Variants in CSMD1 observed in about 807,000 individuals in gnomAD.
CSMD1 encodes the protein CUB and Sushi multiple domains 1.
In CSMD1, 213 loss-of-function variants were observed where a neutral mutation model predicts 417.5. The ratio of observed to expected loss-of-function variants is 0.51; its 90% confidence interval spans 0.46 to 0.57. The LOEUF is 0.57. CSMD1 is among the 20% of genes least tolerant of loss of function. The pLI is 0.00. For synonymous variants in CSMD1, 2,862 were observed against 1,736.8 expected, an observed-to-expected ratio of 1.65 and a Z score of -16.11; for missense variants, 6,923 against 4,529.7, an observed-to-expected ratio of 1.53 and a Z score of -15.17.
intron 5 of CSMD1, among the ~76,000 whole-genome samples, chr8:3,878,003 A>C (rs1253095234): frequency 1.3e-5 from 2 of 152,134 alleles, no homozygotes; most frequent in African/African-American, 4.8e-5. Context: ...GTAAATGATA[A>C]AACTTTCCAA....
intron 33 of CSMD1, among the ~76,000 whole-genome samples, chr8:3,199,270 TG>T (rs1460102807): frequency 2.1e-4 from 32 of 152,214 alleles, no homozygotes; most frequent in Non-Finnish European, 4.1e-4. Flanking sequence ...TTTTGTTTTT[TG>T]TTTTGTTTTG....
intron 42 of CSMD1, among the ~76,000 whole-genome samples, chr8:3,111,055 G>A (rs998609661): frequency 6.6e-6 from 1 of 152,076 alleles, no homozygotes; most frequent in African/African-American, 2.4e-5. Flanking sequence ...TTCATATAGT[G>A]CATCAAAGTC....
chr8:4,567,435 T>C (rs916579892), intron 2 of CSMD1, among the ~76,000 whole-genome samples: 4 of 152,206 alleles, frequency 2.6e-5, no homozygotes, highest in Admixed American at 6.5e-5. Flanking sequence ...GGCATTTTTT[T>C]CCTACCTCGT....
intron 5 of CSMD1, among the ~76,000 whole-genome samples, chr8:3,919,839 C>G (rs1048483181): frequency 6.6e-6 from 1 of 152,046 alleles, no homozygotes; most frequent in Non-Finnish European, 1.5e-5. Context: ...GTGTACAGAT[C>G]ATTCACCTCC....
intron 3 of CSMD1, among the ~76,000 whole-genome samples, chr8:4,194,900 G>A (rs1406325935): frequency 1.3e-5 from 2 of 152,060 alleles, no homozygotes; most frequent in Non-Finnish European, 2.9e-5. Flanking sequence ...AGAACTGTTA[G>A]TTCTAATTTA....
chr8:3,244,454 T>C (rs1799749885), intron 26 of CSMD1, among the ~76,000 whole-genome samples: 1 of 151,966 alleles, frequency 6.6e-6, no homozygotes, highest in Non-Finnish European at 1.5e-5. Flanking sequence ...TGGAGCAGGG[T>C]TAGTTTGCAT....
chr8:3,212,768 C>A (rs1287867854), intron 30 of CSMD1, among the ~76,000 whole-genome samples: 1 of 151,958 alleles, frequency 6.6e-6, no homozygotes. Context: ...AATAGCAGAA[C>A]ACGCCAGGGA....
chr8:4,724,753 C>G (rs569917604), intron 1 of CSMD1, among the ~76,000 whole-genome samples: 35 of 152,132 alleles, frequency 2.3e-4, no homozygotes, highest in African/African-American at 8.2e-4. Context: ...AAGCATTTAT[C>G]ACGTTTTTTA....
At chr8:4,106,576 A>G (rs530410841) in intron 3 of CSMD1, among the ~76,000 whole-genome samples, 3 of 152,236 alleles carry the variant, frequency 2.0e-5, no homozygotes, top group Non-Finnish European at 2.9e-5. Flanking sequence ...ATGTGAGTTA[A>G]TAATTAAAGG....
At chr8:3,116,044 T>C (rs1435182815) in intron 42 of CSMD1, among the ~76,000 whole-genome samples, 3 of 152,228 alleles carry the variant, frequency 2.0e-5, no homozygotes, top group African/African-American at 4.8e-5. Flanking sequence ...TGAAGTGCCA[T>C]ATAACTGTAA....
intron 21 of CSMD1, 79 bp downstream of exon 21, chr8:3,359,073 C>G: frequency 7.0e-7 from 1 of 1,423,242 alleles, no homozygotes; most frequent in Middle Eastern, 2.2e-4. Flanking sequence ...CCCCACCCGA[C>G]CCCGACCACC....
At chr8:3,703,989 T>C (rs763580734) in intron 7 of CSMD1, among the ~76,000 whole-genome samples, 5 of 152,168 alleles carry the variant, frequency 3.3e-5, no homozygotes, top group Non-Finnish European at 7.3e-5. Flanking sequence ...GAGAATCACA[T>C]GAACCCGGGA....
At chr8:3,990,726 G>A (rs1023433302) in intron 5 of CSMD1, among the ~76,000 whole-genome samples, 5 of 152,182 alleles carry the variant, frequency 3.3e-5, no homozygotes, top group African/African-American at 9.6e-5. Flanking sequence ...CAATAAGACA[G>A]TCGATGGCTT....
intron 3 of CSMD1, among the ~76,000 whole-genome samples, chr8:4,249,249 T>G (rs1347361346): frequency 6.6e-6 from 1 of 152,182 alleles, no homozygotes; most frequent in African/African-American, 2.4e-5. Flanking sequence ...GGGCAAACAT[T>G]TCTCTTTTAT....
chr8:3,851,036 T>G (rs1236141799), intron 5 of CSMD1, among the ~76,000 whole-genome samples: 2 of 152,232 alleles, frequency 1.3e-5, no homozygotes, highest in South Asian at 2.1e-4. Context: ...GATGCTCACA[T>G]AACAATTTGT....
At chr8:4,642,532 T>A (rs1803262771) in intron 1 of CSMD1, among the ~76,000 whole-genome samples, 1 of 152,048 alleles carries the variant, frequency 6.6e-6, no homozygotes, top group African/African-American at 2.4e-5. Flanking sequence ...ATTTGAGGAG[T>A]GAAGGTATCA....
intron 3 of CSMD1, among the ~76,000 whole-genome samples, chr8:4,174,341 G>T (rs968644543): frequency 8.5e-5 from 13 of 152,114 alleles, no homozygotes; most frequent in African/African-American, 2.9e-4. Flanking sequence ...CCGTTTTACA[G>T]ATTAAAGTGC....
intron 3 of CSMD1, among the ~76,000 whole-genome samples, chr8:4,369,381 T>A (rs1166781398): frequency 6.6e-6 from 1 of 152,214 alleles, no homozygotes; most frequent in East Asian, 1.9e-4. Flanking sequence ...GATCTTAGAC[T>A]GTGTGCCATG....
At chr8:4,438,515 TG>T (rs1232706704) in intron 2 of CSMD1, among the ~76,000 whole-genome samples, 1 of 152,144 alleles carries the variant, frequency 6.6e-6, no homozygotes, top group East Asian at 1.9e-4. Flanking sequence ...AAGATGCAGG[TG>T]GAAGTCCCAC....
Sources: allele counts gnomAD v4.1 joint callset (sites outside exome capture counted in the v4.1 genomes callset), GRCh38; gene constraint gnomAD v4.1.1; transcripts MANE v1.5; gene names NCBI Gene and HGNC (gene_info 2026-07-23, HGNC 2026-07-21).